The following ADAMTS14 variants were observed in gnomAD, a reference collection of about 807,000 sequenced individuals.
ADAMTS14 encodes ADAM metallopeptidase with thrombospondin type 1 motif 14.
Under a neutral mutation model 128.6 loss-of-function variants are expected in ADAMTS14, and 100 were observed. The observed-to-expected ratio is 0.78, with a 90% CI of 0.66 to 0.92. The LOEUF (loss-of-function observed/expected upper bound fraction) is 0.92. Among genes scored for constraint, ADAMTS14 ranks in the 40% least tolerant of loss-of-function variants. The probability of loss-of-function intolerance (pLI) is 0.00; values close to 1 mark genes in which losing one functional copy is unlikely to be tolerated. For synonymous variants in ADAMTS14, 665 were observed against 653.8 expected (o/e 1.02, Z -0.26); for missense variants, 1,562 against 1,658.6 (o/e 0.94, Z 1.01).
intron 14 of ADAMTS14, among the ~76,000 whole-genome samples, chr10:70,744,942 G>A (rs1166229951): frequency 6.6e-6 from 1 of 152,152 alleles, no homozygotes; most frequent in Non-Finnish European, 1.5e-5. Flanking sequence ...GGGGGGAAGG[G>A]CAGAAGTGAG....
intron 19 of ADAMTS14, among the ~76,000 whole-genome samples, chr10:70,756,992 T>A (rs755834330): frequency 6.6e-6 from 1 of 152,096 alleles, no homozygotes; most frequent in Non-Finnish European, 1.5e-5. Context: ...ATGCCGTGTT[T>A]GTCTCGTAGT....
At chr10:70,695,620 T>G (rs1840313238) in intron 2 of ADAMTS14, among the ~76,000 whole-genome samples, 1 of 152,164 alleles carries the variant, frequency 6.6e-6, no homozygotes, top group African/African-American at 2.4e-5. Context: ...TCCTTGATTT[T>G]GGGGTAGAGC....
intron 12 of ADAMTS14, among the ~76,000 whole-genome samples, chr10:70,742,279 G>T (rs939239947): frequency 1.3e-5 from 2 of 151,986 alleles, no homozygotes; most frequent in African/African-American, 4.8e-5. Context: ...CTGGGTTGGA[G>T]CTCCCCCAGA....
chr10:70,704,109 G>C (rs61852881), intron 3 of ADAMTS14, among the ~76,000 whole-genome samples: 4,567 of 152,300 alleles, frequency 0.03, 221 homozygotes, highest in Admixed American at 0.14. Flanking sequence ...CTGGCCAGGT[G>C]CTCAGAGCCT....
In ADAMTS14 at chr10:70,697,436, T is replaced by A. The variant is rs113267573; in HGVS notation, c.523-4876T>A. Among the ~76,000 whole-genome samples, 251 of 152,352 alleles carry A rather than the reference T, an allele frequency of 1.6e-3. 1 individual carries two copies. The highest frequency in any genetic ancestry group is 5.7e-3 in the African/African-American group (237 of 41,574). Reference sequence around the variant, plus strand: ...TCTGTACCTGCCCATGTCTGACATGTCTCCCAGTCCTTGGGGATCTCTTCT... The same window carrying A: ...TCTGTACCTGCCCATGTCTGACATGACTCCCAGTCCTTGGGGATCTCTTCT... On this transcript the variant is annotated intron_variant, in intron 2 of 21. Transcript: ENST00000373207.
At chr10:70,743,175 T>C (rs1013376277) in intron 12 of ADAMTS14, among the ~76,000 whole-genome samples, 9 of 152,206 alleles carry the variant, frequency 5.9e-5, no homozygotes, top group Non-Finnish European at 1.3e-4. Flanking sequence ...AGTTAATTCA[T>C]GAAAAGCCAT....
intron 2 of ADAMTS14, among the ~76,000 whole-genome samples, chr10:70,684,454 T>G: frequency 6.6e-6 from 1 of 151,664 alleles, no homozygotes; most frequent in Non-Finnish European, 1.5e-5. Context: ...AGGGAAGGAG[T>G]GGTAAAGTCT....
intron 4 of ADAMTS14, among the ~76,000 whole-genome samples, chr10:70,728,955 T>G (rs1419924185): frequency 1.3e-5 from 2 of 152,170 alleles, no homozygotes; most frequent in Non-Finnish European, 2.9e-5. Flanking sequence ...AGGTGACCTG[T>G]CTGGAAGAGG....
At chr10:70,717,696 A>G (rs1281104869) in intron 4 of ADAMTS14, among the ~76,000 whole-genome samples, 1 of 152,112 alleles carries the variant, frequency 6.6e-6, no homozygotes, top group Non-Finnish European at 1.5e-5. Flanking sequence ...GGAGGGTGAG[A>G]AGAGAGACAG....
intron 3 of ADAMTS14, among the ~76,000 whole-genome samples, chr10:70,705,261 T>G (rs1840626311): frequency 6.6e-6 from 1 of 152,104 alleles, no homozygotes. Context: ...TCCTGGATGC[T>G]CTCCTGCTCC....
At chr10:70,711,514 G>T (rs1285343899) in intron 4 of ADAMTS14, among the ~76,000 whole-genome samples, 1 of 152,228 alleles carries the variant, frequency 6.6e-6, no homozygotes, top group Non-Finnish European at 1.5e-5. Flanking sequence ...GCCCCTTAGA[G>T]CCTCTGCTTT....
chr10:70,699,733 G>T (rs888137909), intron 2 of ADAMTS14, among the ~76,000 whole-genome samples: 8 of 152,332 alleles, frequency 5.3e-5, no homozygotes, highest in African/African-American at 1.9e-4. Context: ...AGGTTTGAAG[G>T]ATCCTCTTTG....
chr10:70,680,462 G>C (rs1839769796), intron 2 of ADAMTS14, among the ~76,000 whole-genome samples: 1 of 152,204 alleles, frequency 6.6e-6, no homozygotes, highest in Non-Finnish European at 1.5e-5. Flanking sequence ...CCTGGCCTAT[G>C]GAAGGGCCCC....
At chr10:70,719,725 A>C (rs1255511740) in intron 4 of ADAMTS14, among the ~76,000 whole-genome samples, 1 of 152,210 alleles carries the variant, frequency 6.6e-6, no homozygotes, top group African/African-American at 2.4e-5. Context: ...GTTTTAAACT[A>C]ACAGATGCCA....
chr10:70,743,711 C>CGGCACA, intron 13 of ADAMTS14, 30 bp downstream of exon 13: 1 of 1,540,722 alleles, frequency 6.5e-7, no homozygotes, highest in Non-Finnish European at 8.8e-7. Flanking sequence ...CCCCGACTAC[C>CGGCACA]GGCACAGGGA....
chr10:70,745,612 G>A (rs765222516), intron 15 of ADAMTS14, among the ~76,000 whole-genome samples: 39 of 152,188 alleles, frequency 2.6e-4, no homozygotes, highest in Non-Finnish European at 5.0e-4. Context: ...CACATAGATG[G>A]CTGTTAAAGG....
chr10:70,737,072 C>T (rs904025098), intron 10 of ADAMTS14, among the ~76,000 whole-genome samples: 1 of 152,156 alleles, frequency 6.6e-6, no homozygotes, highest in African/African-American at 2.4e-5. Flanking sequence ...GGAAGGCTTA[C>T]TTCCATTTTA....
Position 70,752,184 on chromosome 10 carries a change from C to A in ADAMTS14, c.2686C>A (p.Pro896Thr), listed in dbSNP as rs765288134. 18 of 1,613,772 alleles carry A rather than the reference C, an allele frequency of 1.1e-5. No homozygotes were observed. The South Asian group carries it at 2.0e-4, about 18-fold the overall frequency. Residue 896 changes from proline to threonine, a missense_variant, in exon 18 of 22, where the codon CCC becomes ACC. Pro to Thr is a conservative substitution (Grantham distance 38). Transcript: ENST00000373207. ...GTGTGACCACAAGAAGAGGCCCAAG[C>A]CCATCCGCCGGCGCTGCAACCAGCA... ...HLCDHKKRPK[P>T]IRRRCNQHPC...
At chr10:70,709,189 C>A (rs12255288) in intron 4 of ADAMTS14, among the ~76,000 whole-genome samples, 106,813 of 151,980 alleles carry the variant, frequency 0.7, 37,764 homozygotes, top group East Asian at 0.81. Flanking sequence ...AAAATGCCCA[C>A]CCCCAGGCTG....
Sources: gnomAD v4.1 joint callset for allele counts (sites outside exome capture counted in the v4.1 genomes callset) on GRCh38, gnomAD v4.1.1 for gene constraint, MANE v1.5 for transcripts, NCBI Gene and HGNC (gene_info 2026-07-23, HGNC 2026-07-21) for gene names.